STON2: variants seen among roughly 807,000 people sequenced by gnomAD.
The protein encoded by STON2 is stonin 2.
In STON2, 29 loss-of-function variants were observed where a neutral mutation model predicts 65.7. That is an observed-to-expected ratio of 0.44 (90% CI 0.33 to 0.60). The LOEUF is 0.60. Among genes scored for constraint, STON2 ranks in the 20% least tolerant of loss-of-function variants. The pLI is 0.03. For synonymous variants in STON2, 404 were observed against 414.2 expected (o/e 0.98, Z 0.30); for missense variants, 1,054 against 1,118.1 (o/e 0.94, Z 0.82).
intron 4 of STON2, among the ~76,000 whole-genome samples, chr14:81,338,788 T>C: frequency 6.6e-6 from 1 of 152,186 alleles, no homozygotes; most frequent in East Asian, 1.9e-4. Context: ...TCCTCACATA[T>C]TTCAGTGACC....
intron 2 of STON2, among the ~76,000 whole-genome samples, chr14:81,419,620 T>C (rs1343929263): frequency 6.6e-6 from 1 of 152,184 alleles, no homozygotes; most frequent in African/African-American, 2.4e-5. Flanking sequence ...GGCTGAAGCC[T>C]TGAACTTCCA....
At chr14:81,419,024 A>G (rs1901575083) in intron 2 of STON2, among the ~76,000 whole-genome samples, 1 of 151,036 alleles carries the variant, frequency 6.6e-6, no homozygotes, top group Admixed American at 6.6e-5. Flanking sequence ...TAAAATCTCA[A>G]TAAAACCTTT....
intron 4 of STON2, among the ~76,000 whole-genome samples, chr14:81,344,398 C>T (rs1426776435): frequency 2.0e-5 from 3 of 152,158 alleles, no homozygotes; most frequent in Non-Finnish European, 4.4e-5. Flanking sequence ...TAAACACACA[C>T]ACTAATATAG....
intron 4 of STON2, among the ~76,000 whole-genome samples, chr14:81,352,456 C>G (rs1348935036): frequency 6.6e-6 from 1 of 152,152 alleles, no homozygotes; most frequent in Non-Finnish European, 1.5e-5. Flanking sequence ...GATGGACCCT[C>G]TGGATTCCAG....
intron 3 of STON2, among the ~76,000 whole-genome samples, chr14:81,392,503 A>G (rs1438832883): frequency 6.6e-6 from 1 of 152,198 alleles, no homozygotes; most frequent in Admixed American, 6.5e-5. Context: ...TCTTTAGCTG[A>G]ACTTTAGGAA....
At chr14:81,317,572 A>G (rs1386641983) in intron 5 of STON2, among the ~76,000 whole-genome samples, 1 of 152,240 alleles carries the variant, frequency 6.6e-6, no homozygotes, top group African/African-American at 2.4e-5. Flanking sequence ...AGGCTTAGGC[A>G]CAAGCCTTTC....
chr14:81,398,583 G>A lies in STON2; in HGVS notation c.-198-3C>T. On this transcript the variant is annotated splice_region_variant and splice_polypyrimidine_tract_variant and intron_variant, in intron 1 of 7. Transcript: ENST00000614646. ...TGGTTAATCTGCCAGGCAGAAATCT[G>A]TTTAACAAACAAACAAACAAAAAAT... 1 of 473,742 alleles carries A rather than the reference G, an allele frequency of 2.1e-6. No homozygotes were observed. The highest frequency in any genetic ancestry group is 3.7e-6 in the Non-Finnish European group (1 of 269,014). The allele number at this position is 473,742 out of a possible 1,614,324, so 29.3% of individuals were successfully genotyped here.
intron 5 of STON2, among the ~76,000 whole-genome samples, chr14:81,304,927 G>C (rs1896112591): frequency 6.6e-6 from 1 of 152,146 alleles, no homozygotes. Flanking sequence ...TATCTCAAAA[G>C]ACAGATCCCC....
At chr14:81,302,868 C>G (rs1328891219) in intron 5 of STON2, among the ~76,000 whole-genome samples, 1 of 152,168 alleles carries the variant, frequency 6.6e-6, no homozygotes, top group Non-Finnish European at 1.5e-5. Context: ...GGGCAAGTAC[C>G]TGACATGGTG....
chr14:81,431,891 G>A (rs1902241591), intron 1 of STON2, among the ~76,000 whole-genome samples: 1 of 152,030 alleles, frequency 6.6e-6, no homozygotes, highest in Non-Finnish European at 1.5e-5. Flanking sequence ...GTTGCGGCAA[G>A]CTTAGATCAC....
rs533668684 is a variant in STON2 at position 81,354,903 on chromosome 14, G to T, written c.571+16085C>A. 6.6e-5 allele frequency among the ~76,000 whole-genome samples: 10 copies of T among 152,092 alleles called. No individual in the cohort carries two copies. The South Asian group carries it at 1.9e-3, about 28-fold the overall frequency. ...ATGGTGGCACGTTCCTGTAATCCCA[G>T]CTACTCGGAAGGCTGAAGCAGAATT... On this transcript the variant is annotated intron_variant, in intron 4 of 7. Transcript: ENST00000614646.
rs144375065 is a variant in STON2 at position 81,396,106 on chromosome 14, T to C, written c.161A>G (p.His54Arg). 12 of 1,614,020 alleles carry C rather than the reference T, an allele frequency of 7.4e-6. No individual in the cohort carries two copies. Among genetic ancestry groups the C allele is most frequent in the South Asian group, 3.3e-5 (3 of 91,086 alleles). ...DQSESSSGEN[H>R]VVDGGSQDHS... The stretch of plus-strand genomic sequence containing the variant: ...GTCTTGAGAGCCTCCATCCACCACA[T>C]GGTTCTCCCCGGAGGAGCTCTCGGA... The change falls in exon 3 of 8, where the codon CAT (histidine) becomes CGT (arginine). Residue 54 changes from histidine to arginine, a missense_variant. Coordinates refer to ENST00000614646, the MANE Select transcript of STON2 (RefSeq NM_001394390.1).
chr14:81,261,917 G>C lies in STON2; in HGVS notation c.*6497C>G. ...TGCAATATAGAGGATTTGGAAGGTT[G>C]TCTGTTTCTGTTGTCTGGGGAAATG... On this transcript the variant is annotated 3_prime_UTR_variant, in exon 8 of 8. Coordinates refer to ENST00000614646, the MANE Select transcript of STON2 (RefSeq NM_001394390.1). 6.8e-7 allele frequency: 1 copy of C among 1,470,840 alleles called. No individual in the cohort carries two copies. The highest frequency in any genetic ancestry group is 8.9e-7 in the Non-Finnish European group (1 of 1,118,410). The allele number at this position is 1,470,840 out of a possible 1,614,324, so 91.1% of individuals were successfully genotyped here.
chr14:81,411,133 T>G (rs1176136540), intron 2 of STON2, among the ~76,000 whole-genome samples: 2 of 152,222 alleles, frequency 1.3e-5, no homozygotes, highest in Non-Finnish European at 1.5e-5. Context: ...AGGAAAATTT[T>G]GGGGTATGTT....
At chr14:81,360,182 G>A (rs1898427443) in intron 4 of STON2, among the ~76,000 whole-genome samples, 1 of 152,088 alleles carries the variant, frequency 6.6e-6, no homozygotes, top group Non-Finnish European at 1.5e-5. Context: ...CTTTTAATGA[G>A]GCCAGCATAG....
chr14:81,408,968 C>A (rs751676895), intron 2 of STON2, among the ~76,000 whole-genome samples: 4 of 152,172 alleles, frequency 2.6e-5, no homozygotes, highest in Admixed American at 6.5e-5. Flanking sequence ...TTTAACTCCA[C>A]TTCATATTTT....
chr14:81,359,752 G>A (rs910393034), intron 4 of STON2, among the ~76,000 whole-genome samples: 1 of 152,088 alleles, frequency 6.6e-6, no homozygotes, highest in Admixed American at 6.6e-5. Context: ...CCAAAAAGTA[G>A]GATAACCTGG....
At chr14:81,292,988 G>A (rs530619156) in intron 5 of STON2, among the ~76,000 whole-genome samples, 4 of 152,130 alleles carry the variant, frequency 2.6e-5, no homozygotes, top group East Asian at 3.9e-4. Context: ...GGACTCCCCC[G>A]TCTTGCTCAA....
At chr14:81,306,156 T>TCTCC (rs1400507108) in intron 5 of STON2, among the ~76,000 whole-genome samples, 1 of 141,870 alleles carries the variant, frequency 7.0e-6, no homozygotes, top group Non-Finnish European at 1.5e-5. Flanking sequence ...CTTTTAAATC[T>TCTCC]CTCTCTCTCT....
Sources: gnomAD v4.1 joint callset for allele counts (sites outside exome capture counted in the v4.1 genomes callset) on GRCh38, gnomAD v4.1.1 for gene constraint, MANE v1.5 for transcripts, NCBI Gene and HGNC (gene_info 2026-07-23, HGNC 2026-07-21) for gene names.